Variants in EEFSEC observed in about 807,000 individuals in gnomAD.
The protein encoded by EEFSEC is eukaryotic elongation factor, selenocysteine-tRNA specific.
EEFSEC carries 43 observed loss-of-function variants against 42.1 expected under a neutral mutation model. The ratio of observed to expected loss-of-function variants is 1.02; its 90% CI spans 0.80 to 1.32. The LOEUF (loss-of-function observed/expected upper bound fraction) is 1.32, where lower values mean the gene tolerates loss of function less well. EEFSEC is among the 40% of genes most tolerant of loss of function. The probability of loss-of-function intolerance (pLI) is 0.00; values close to 1 mark genes in which losing one functional copy is unlikely to be tolerated. For synonymous variants in EEFSEC, 354 were observed against 339.1 expected, an observed-to-expected ratio of 1.04 and a Z score of -0.48; for missense variants, 745 against 803.6, an observed-to-expected ratio of 0.93 and a Z score of 0.88.
chr3:128,282,274 C>G (rs1453317038), intron 4 of EEFSEC, among the ~76,000 whole-genome samples: 1 of 152,230 alleles, frequency 6.6e-6, no homozygotes, highest in African/African-American at 2.4e-5. Context: ...AGGAGTGCAT[C>G]AGCTCCAGCC....
intron 4 of EEFSEC, among the ~76,000 whole-genome samples, chr3:128,327,297 C>A (rs937632879): frequency 1.6e-4 from 24 of 149,978 alleles, no homozygotes; most frequent in Non-Finnish European, 2.2e-4. Context: ...CCCATCCCCC[C>A]CCCCCCAAGG....
Position 128,154,562 on chromosome 3 carries a change from G to A in EEFSEC, c.316+739G>A, listed in dbSNP as rs77864111. The stretch of plus-strand genomic sequence containing the variant: ...CCTCCTGGGTTCAAGCGATTGTCCT[G>A]CCTCAGTCTCCTGAGTAGCTGGGAT... On this transcript the variant is annotated intron_variant, in intron 1 of 6. Transcript: ENST00000254730. 0.027 allele frequency among the ~76,000 whole-genome samples: 4,172 copies of A among 151,850 alleles called. 416 individuals carry two copies. In the East Asian group the frequency reaches 0.36, roughly 13 times the overall value.
intron 4 of EEFSEC, among the ~76,000 whole-genome samples, chr3:128,332,448 C>T (rs1290706285): frequency 6.6e-6 from 1 of 152,288 alleles, no homozygotes; most frequent in East Asian, 1.9e-4. Flanking sequence ...CCAAAGTGCT[C>T]CATTGAGTAT....
At chr3:128,256,788 A>C (rs776483914) in intron 2 of EEFSEC, among the ~76,000 whole-genome samples, 1 of 152,204 alleles carries the variant, frequency 6.6e-6, no homozygotes, top group Non-Finnish European at 1.5e-5. Flanking sequence ...TTTGAGACAG[A>C]GTCTCACTTT....
chr3:128,350,856 C>T (rs1320308371), intron 5 of EEFSEC, among the ~76,000 whole-genome samples: 1 of 152,188 alleles, frequency 6.6e-6, no homozygotes, highest in African/African-American at 2.4e-5. Context: ...GCTCTTCCCA[C>T]CACACCAGAC....
intron 6 of EEFSEC, among the ~76,000 whole-genome samples, chr3:128,368,456 A>C (rs1204886926): frequency 7.9e-6 from 1 of 126,516 alleles, no homozygotes; most frequent in Non-Finnish European, 1.6e-5. Flanking sequence ...AAAAAAAAAA[A>C]ACAAAAAAAG....
chr3:128,228,967 G>A (rs1284514410), intron 1 of EEFSEC, among the ~76,000 whole-genome samples: 1 of 152,124 alleles, frequency 6.6e-6, no homozygotes, highest in Non-Finnish European at 1.5e-5. Flanking sequence ...GTGTCTCTGA[G>A]GTTTTCCTGC....
intron 1 of EEFSEC, among the ~76,000 whole-genome samples, chr3:128,194,911 G>C (rs149769705): frequency 7.2e-5 from 11 of 152,126 alleles, no homozygotes; most frequent in African/African-American, 2.2e-4. Context: ...TTTCCCCAAG[G>C]CTTTTTCTTT....
chr3:128,296,242 C>G (rs1405941423), intron 4 of EEFSEC, among the ~76,000 whole-genome samples: 1 of 152,142 alleles, frequency 6.6e-6, no homozygotes, highest in East Asian at 1.9e-4. Flanking sequence ...CACGTAGGAT[C>G]TTGAAATATG....
chr3:128,371,602 G>C (rs111304394), intron 6 of EEFSEC, among the ~76,000 whole-genome samples: 3 of 152,238 alleles, frequency 2.0e-5, no homozygotes, highest in African/African-American at 7.2e-5. Flanking sequence ...TGGTTGGAGG[G>C]GGCAAGCCAA....
Position 128,341,766 on chromosome 3 carries a change from C to T in EEFSEC, c.1320C>T (p.Asn440=), listed in dbSNP as rs2067257256. The T allele has an allele frequency of 2.5e-6, 4 of 1,614,160 alleles. No individual in the cohort carries two copies. Among genetic ancestry groups the T allele is most frequent in the South Asian group, 1.1e-5 (1 of 91,088 alleles). ...GSRLDADIHT[N]TCRLAFHGIL... is the part of the protein sequence containing the mutation. ...GGCTAGATGCGGACATTCACACCAA[C>T]ACGTGCCGGCTAGCCTTCCATGGCA... Residue 440 remains asparagine, a synonymous_variant, in exon 5 of 7, where the codon AAC becomes AAT. Coordinates refer to ENST00000254730, the MANE Select transcript of EEFSEC (RefSeq NM_021937.5).
chr3:128,332,286 A>G (rs2067142566), intron 4 of EEFSEC, among the ~76,000 whole-genome samples: 1 of 152,220 alleles, frequency 6.6e-6, no homozygotes, highest in Non-Finnish European at 1.5e-5. Context: ...ACATGGTGCC[A>G]CTGTTTACAC....
At chr3:128,393,125 A>G (rs2067936562) in intron 6 of EEFSEC, among the ~76,000 whole-genome samples, 1 of 152,188 alleles carries the variant, frequency 6.6e-6, no homozygotes, top group South Asian at 2.1e-4. Flanking sequence ...ACAAAGAAGA[A>G]GCTTTCTTTC....
intron 4 of EEFSEC, among the ~76,000 whole-genome samples, chr3:128,273,094 C>G (rs534823673): frequency 3.3e-5 from 5 of 152,308 alleles, no homozygotes; most frequent in African/African-American, 1.2e-4. Context: ...TATCACCACC[C>G]TGTACAACTC....
intron 4 of EEFSEC, among the ~76,000 whole-genome samples, chr3:128,324,597 T>C (rs1253152002): frequency 6.6e-6 from 1 of 152,186 alleles, no homozygotes; most frequent in Non-Finnish European, 1.5e-5. Flanking sequence ...GGAAAGTTGC[T>C]CTTTTATTTT....
intron 1 of EEFSEC, among the ~76,000 whole-genome samples, chr3:128,219,496 C>A (rs2065842783): frequency 6.6e-6 from 1 of 152,180 alleles, no homozygotes; most frequent in Admixed American, 6.5e-5. Context: ...CTCACTTGGG[C>A]CTTCTCCTTG....
intron 1 of EEFSEC, among the ~76,000 whole-genome samples, chr3:128,208,319 C>T (rs1039219011): frequency 1.3e-5 from 2 of 152,108 alleles, no homozygotes; most frequent in Non-Finnish European, 2.9e-5. Flanking sequence ...TATTGACCTG[C>T]GCTTCTTTTT....
chr3:128,168,470 G>A (rs1453632751), intron 1 of EEFSEC, among the ~76,000 whole-genome samples: 1 of 152,218 alleles, frequency 6.6e-6, no homozygotes, highest in African/African-American at 2.4e-5. Flanking sequence ...AAAACTTTCT[G>A]GGGAGAGAGA....
chr3:128,336,313 G>A (rs915425060), intron 4 of EEFSEC, among the ~76,000 whole-genome samples: 9 of 152,136 alleles, frequency 5.9e-5, no homozygotes, highest in Non-Finnish European at 1.2e-4. Flanking sequence ...TGAACTCTGA[G>A]TATCTTCCTT....
Sources: gnomAD v4.1 joint callset for allele counts (sites outside exome capture counted in the v4.1 genomes callset) on GRCh38, gnomAD v4.1.1 for gene constraint, MANE v1.5 for transcripts, NCBI Gene and HGNC (gene_info 2026-07-23, HGNC 2026-07-21) for gene names.